Variants in RANBP17 observed in about 807,000 individuals in gnomAD.
The protein encoded by RANBP17 is ran-binding protein 17.
RANBP17 carries 158 observed loss-of-function variants against 141.2 expected under a neutral mutation model. The ratio of observed to expected loss-of-function variants is 1.12; its 90% confidence interval spans 0.98 to 1.28. The LOEUF (loss-of-function observed/expected upper bound fraction) is 1.28, where lower values mean the gene tolerates loss of function less well. Among genes scored for constraint, RANBP17 ranks in the 50% most tolerant of loss-of-function variants. The probability of loss-of-function intolerance (pLI) is 0.00; values close to 1 mark genes in which losing one functional copy is unlikely to be tolerated. For synonymous variants in RANBP17, 430 were observed against 450.0 expected, an observed-to-expected ratio of 0.96 and a Z score of 0.56; for missense variants, 1,438 against 1,290.7, an observed-to-expected ratio of 1.11 and a Z score of -1.75.
intron 1 of RANBP17, among the ~76,000 whole-genome samples, chr5:170,876,753 A>G (rs994581123): frequency 8.5e-5 from 13 of 152,168 alleles, no homozygotes; most frequent in African/African-American, 2.7e-4. Context: ...TTACTTGTGT[A>G]TTCCTTTAAT....
chr5:170,967,909 T>C (rs918118057), intron 13 of RANBP17, among the ~76,000 whole-genome samples: 1 of 151,624 alleles, frequency 6.6e-6, no homozygotes, highest in African/African-American at 2.4e-5. Flanking sequence ...TTATAGTAAA[T>C]TTTTACTGTA....
chr5:171,228,291 A>G (rs1339882756), intron 22 of RANBP17, among the ~76,000 whole-genome samples: 1 of 152,148 alleles, frequency 6.6e-6, no homozygotes, highest in African/African-American at 2.4e-5. Context: ...GTTGATTCCA[A>G]CCCTCATGGG....
intron 14 of RANBP17, among the ~76,000 whole-genome samples, chr5:170,988,189 G>A (rs770604397): frequency 2.0e-5 from 3 of 150,540 alleles, no homozygotes; most frequent in Non-Finnish European, 4.4e-5. Context: ...TATAAAATTC[G>A]GTATCTGTGG....
chr5:171,252,295 A>G (rs1765623975), intron 24 of RANBP17: 1 of 1,551,676 alleles, frequency 6.4e-7, no homozygotes, highest in African/African-American at 1.4e-5. Context: ...TAATAATGAA[A>G]ATAATAACAG....
intron 14 of RANBP17, among the ~76,000 whole-genome samples, chr5:171,076,763 T>C (rs926567238): frequency 2.6e-5 from 4 of 152,098 alleles, no homozygotes; most frequent in African/African-American, 9.7e-5. Flanking sequence ...AGTACTAATA[T>C]CAAACATGTT....
intron 14 of RANBP17, among the ~76,000 whole-genome samples, chr5:171,102,746 G>A (rs1221621208): frequency 1.3e-5 from 2 of 151,794 alleles, no homozygotes; most frequent in Non-Finnish European, 1.5e-5. Flanking sequence ...TCTACCTTTG[G>A]TCTTCGATGT....
rs941066925 is a variant in RANBP17 at position 171,141,412 on chromosome 5, T to A, written c.1711-28718T>A. Among the ~76,000 whole-genome samples, 11 of 148,544 alleles carry A rather than the reference T, an allele frequency of 7.4e-5. 1 individual carries two copies. Among genetic ancestry groups the A allele is most frequent in the Non-Finnish European group, 4.5e-5 (3 of 67,362 alleles). On this transcript the variant is annotated intron_variant, in intron 14 of 27. Coordinates refer to ENST00000523189, the MANE Select transcript of RANBP17 (RefSeq NM_022897.5). ...GAGATCAAGACCATCCTGGCTAGCATGGTGAAACCCCATCTCTACTAAAAA... is the reference window on the plus strand; with the variant it reads ...GAGATCAAGACCATCCTGGCTAGCAAGGTGAAACCCCATCTCTACTAAAAA...
intron 14 of RANBP17, chr5:170,968,764 G>A (rs1349805667): frequency 4.4e-6 from 2 of 454,096 alleles, no homozygotes; most frequent in East Asian, 1.4e-4. Flanking sequence ...TAATTTCTTG[G>A]CATTTGTACA....
Position 170,919,583 on chromosome 5 carries a change from C to T in RANBP17, c.1244C>T (p.Ser415Phe). 4 of 1,604,318 alleles carry T rather than the reference C, an allele frequency of 2.5e-6. No individual in the cohort carries two copies. Among genetic ancestry groups the T allele is most frequent in the Non-Finnish European group, 3.4e-6 (4 of 1,176,970 alleles). ...GAAATCACGAAGGCCTTTATCACTT[C>T]TCGGTTGGACTCTGTTGCCATAGTT... ...APEITKAFITSRLDSVAIVVR... is the reference protein window; with the variant it reads ...APEITKAFITFRLDSVAIVVR... Residue 415 changes from serine (S) to phenylalanine (F), a missense_variant, in exon 11 of 28, where the codon TCT becomes TTT. Ser to Phe is a radical substitution (Grantham distance 155, BLOSUM62 -2). Transcript: ENST00000523189.
At chr5:171,251,621 G>A (rs1469083723) in intron 24 of RANBP17, among the ~76,000 whole-genome samples, 4 of 152,168 alleles carry the variant, frequency 2.6e-5, no homozygotes, top group Non-Finnish European at 5.9e-5. Flanking sequence ...AGTAAAAGCA[G>A]TGCTAAGAAG....
chr5:170,972,627 C>G (rs1214777055), intron 14 of RANBP17, among the ~76,000 whole-genome samples: 2 of 151,970 alleles, frequency 1.3e-5, no homozygotes, highest in East Asian at 1.9e-4. Context: ...TAGATTGTTT[C>G]CAGATTTTCA....
chr5:171,026,812 A>G (rs1459733969), intron 14 of RANBP17, among the ~76,000 whole-genome samples: 1 of 152,068 alleles, frequency 6.6e-6, no homozygotes, highest in East Asian at 1.9e-4. Flanking sequence ...AATGCTTCAT[A>G]TTTTCTGTAC....
chr5:171,232,529 C>T (rs532649397), intron 22 of RANBP17, among the ~76,000 whole-genome samples: 62 of 151,946 alleles, frequency 4.1e-4, no homozygotes, highest in African/African-American at 1.5e-3. Context: ...AAATAATATA[C>T]CCATGGGGGG....
intron 14 of RANBP17, among the ~76,000 whole-genome samples, chr5:171,096,463 T>A (rs2127736383): frequency 6.6e-6 from 1 of 152,300 alleles, no homozygotes; most frequent in African/African-American, 2.4e-5. Flanking sequence ...TTTGTAAGAA[T>A]GTTGAATTCA....
chr5:170,988,474 G>C (rs1778302050), intron 14 of RANBP17, among the ~76,000 whole-genome samples: 1 of 151,176 alleles, frequency 6.6e-6, no homozygotes, highest in South Asian at 2.1e-4. Context: ...TTGAAGAGTT[G>C]TCAGCACTAA....
At chr5:170,879,675 G>A (rs1221858531) in intron 2 of RANBP17, among the ~76,000 whole-genome samples, 19 of 152,150 alleles carry the variant, frequency 1.2e-4, no homozygotes, top group Middle Eastern at 3.4e-3. Flanking sequence ...AAGCCATTTC[G>A]TGTTGAACAA....
chr5:171,289,045 C>G (rs147735292), intron 25 of RANBP17, among the ~76,000 whole-genome samples: 2 of 152,320 alleles, frequency 1.3e-5, no homozygotes, highest in East Asian at 3.9e-4. Flanking sequence ...CTCTTTAGCT[C>G]TTTATACTTT....
intron 26 of RANBP17, among the ~76,000 whole-genome samples, chr5:171,294,330 A>G (rs1006100625): frequency 2.0e-5 from 3 of 151,996 alleles, no homozygotes; most frequent in Non-Finnish European, 4.4e-5. Context: ...GCCACCCTTT[A>G]TATCTGAGAT....
At position 171,213,754 on chromosome 5, in the gene RANBP17, G is replaced by C; in HGVS notation, c.2339+16G>C. 1 of 1,553,410 alleles carries C rather than the reference G, an allele frequency of 6.4e-7. No homozygotes were observed. ...TGCAAAACAGGTAAGCAGTGTGACA[G>C]GCAGTGAGAAAAACAGTCTACTATT... On this transcript the variant is annotated intron_variant, in intron 21 of 27. Coordinates refer to ENST00000523189, the MANE Select transcript of RANBP17 (RefSeq NM_022897.5).
Sources: gnomAD v4.1 joint callset for allele counts (sites outside exome capture counted in the v4.1 genomes callset) on GRCh38, gnomAD v4.1.1 for gene constraint, MANE v1.5 for transcripts, NCBI Gene and HGNC (gene_info 2026-07-23, HGNC 2026-07-21) for gene names.